The following ABTB3 variants were observed in gnomAD, a reference collection of about 807,000 sequenced individuals.
ABTB3 encodes ankyrin repeat and BTB domain containing 3.
the ABTB3 span, among the ~76,000 whole-genome samples, chr12:107,401,863 T>A: frequency 5.8e-4 from 88 of 151,466 alleles, no homozygotes; most frequent in East Asian, 0.016. Flanking sequence ...GTGTGTAGAG[T>A]TTTTTACCCT....
chr12:107,361,187 G>A, the ABTB3 span, among the ~76,000 whole-genome samples: 2 of 152,050 alleles, frequency 1.3e-5, no homozygotes, highest in Non-Finnish European at 2.9e-5. Context: ...GTGATGAAAG[G>A]AAAAAATGTA....
At chr12:107,649,280 G>C in the ABTB3 span, 5 of 1,612,100 alleles carry the variant, frequency 3.1e-6, no homozygotes. Flanking sequence ...TGGAGGTAAG[G>C]GATCCATTGT....
chr12:107,427,340 G>A, the ABTB3 span, among the ~76,000 whole-genome samples: 1 of 151,848 alleles, frequency 6.6e-6, no homozygotes, highest in East Asian at 1.9e-4. Flanking sequence ...GGAGTGTAGT[G>A]GCACAATCAC....
At chr12:107,327,607 G>A in the ABTB3 span, among the ~76,000 whole-genome samples, 1 of 152,138 alleles carries the variant, frequency 6.6e-6, no homozygotes, top group African/African-American at 2.4e-5. Context: ...GTAGGCATGA[G>A]CTCTGACTGC....
the ABTB3 span, among the ~76,000 whole-genome samples, chr12:107,585,364 T>C: frequency 1.3e-5 from 2 of 152,282 alleles, no homozygotes; most frequent in African/African-American, 2.4e-5. Context: ...CAAAGAGTAA[T>C]AGAATGGGAC....
At chr12:107,410,211 A>G in the ABTB3 span, among the ~76,000 whole-genome samples, 1 of 148,312 alleles carries the variant, frequency 6.7e-6, no homozygotes, top group Non-Finnish European at 1.5e-5. Context: ...CAAGTAAATA[A>G]ATGATCAGAA....
the ABTB3 span, among the ~76,000 whole-genome samples, chr12:107,457,321 C>G: frequency 2.6e-5 from 4 of 152,222 alleles, no homozygotes; most frequent in African/African-American, 9.6e-5. Context: ...GCACCCACGG[C>G]TCATTTAAAT....
chr12:107,540,378 G>A, the ABTB3 span, among the ~76,000 whole-genome samples: 3 of 152,286 alleles, frequency 2.0e-5, no homozygotes, highest in African/African-American at 7.2e-5. Context: ...CTTGGATGGT[G>A]CCTGCCCACA....
At chr12:107,435,833 A>G in the ABTB3 span, among the ~76,000 whole-genome samples, 1 of 152,228 alleles carries the variant, frequency 6.6e-6, no homozygotes, top group African/African-American at 2.4e-5. Context: ...TGTTTTATCC[A>G]GTAGAACTTT....
At chr12:107,604,024 C>T in the ABTB3 span, among the ~76,000 whole-genome samples, 8 of 152,094 alleles carry the variant, frequency 5.3e-5, no homozygotes, top group East Asian at 7.7e-4. Context: ...AAAAAATTAG[C>T]CAGGTGTGGT....
the ABTB3 span, among the ~76,000 whole-genome samples, chr12:107,446,314 A>C: frequency 3.9e-5 from 6 of 152,158 alleles, no homozygotes; most frequent in African/African-American, 1.4e-4. Context: ...CATGTCAGGT[A>C]CCAGTCATGC....
the ABTB3 span, among the ~76,000 whole-genome samples, chr12:107,379,047 C>G: frequency 6.6e-6 from 1 of 152,190 alleles, no homozygotes; most frequent in Non-Finnish European, 1.5e-5. Flanking sequence ...CCTGGACTTA[C>G]CATGTACCTG....
At chr12:107,337,218 G>A in the ABTB3 span, among the ~76,000 whole-genome samples, 2 of 152,242 alleles carry the variant, frequency 1.3e-5, no homozygotes, top group East Asian at 1.9e-4. Context: ...TTGCAAGCTA[G>A]ACACCTGAGA....
the ABTB3 span, among the ~76,000 whole-genome samples, chr12:107,388,422 C>T: frequency 6.6e-6 from 1 of 151,690 alleles, no homozygotes; most frequent in Non-Finnish European, 1.5e-5. Flanking sequence ...CTCTCTTTCT[C>T]CCTGCTTCCT....
the ABTB3 span, among the ~76,000 whole-genome samples, chr12:107,599,601 G>T: frequency 8.6e-5 from 13 of 151,978 alleles, no homozygotes; most frequent in Admixed American, 7.2e-4. Context: ...ATTTCTCCCC[G>T]CTAGGTACCT....
At chr12:107,397,547 A>C in the ABTB3 span, among the ~76,000 whole-genome samples, 4 of 151,966 alleles carry the variant, frequency 2.6e-5, no homozygotes, top group African/African-American at 4.8e-5. Context: ...TAAGTTGCAA[A>C]TGCCTCTTCT....
At chr12:107,576,618 G>A in the ABTB3 span, among the ~76,000 whole-genome samples, 7 of 152,254 alleles carry the variant, frequency 4.6e-5, no homozygotes, top group East Asian at 1.2e-3. Flanking sequence ...TGGGGGTTAG[G>A]GCTGCAACAT....
the ABTB3 span, among the ~76,000 whole-genome samples, chr12:107,567,447 T>C: frequency 6.6e-6 from 1 of 152,214 alleles, no homozygotes; most frequent in Non-Finnish European, 1.5e-5. Context: ...CTTTTCCACA[T>C]TTAAATATGT....
At chr12:107,471,636 G>A in the ABTB3 span, among the ~76,000 whole-genome samples, 1 of 152,142 alleles carries the variant, frequency 6.6e-6, no homozygotes, top group African/African-American at 2.4e-5. Context: ...TTACAAATGA[G>A]GAGCATTACA....
Sources: allele counts gnomAD v4.1 joint callset (sites outside exome capture counted in the v4.1 genomes callset), GRCh38; gene constraint gnomAD v4.1.1; transcripts MANE v1.5; gene names NCBI Gene and HGNC (gene_info 2026-07-23, HGNC 2026-07-21).